Variants in DHRSX observed in about 807,000 individuals in gnomAD.
The protein encoded by DHRSX is dehydrogenase/reductase X-linked, also known as polyprenol dehydrogenase.
A neutral mutation model predicts 34.0 loss-of-function variants in DHRSX; 31 were observed. The observed-to-expected ratio is 0.91, with a 90% CI of 0.69 to 1.23. The LOEUF (loss-of-function observed/expected upper bound fraction) is 1.23, where lower values mean the gene tolerates loss of function less well. Among genes scored for constraint, DHRSX ranks in the 50% most tolerant of loss-of-function variants. The pLI is 0.00. For synonymous variants in DHRSX, 201 were observed against 183.8 expected (o/e 1.09, Z -0.76); for missense variants, 414 against 428.1 (o/e 0.97, Z 0.29).
At chrX:2,399,865 T>C (rs1193869492) in intron 3 of DHRSX, among the ~76,000 whole-genome samples, 2 of 151,450 alleles carry the variant, frequency 1.3e-5, no homozygotes, top group Non-Finnish European at 2.9e-5. Flanking sequence ...AGACCCCGTC[T>C]CTAGAAAAAA....
chrX:2,298,232 G>A (rs1428616043), intron 3 of DHRSX, among the ~76,000 whole-genome samples: 1 of 151,860 alleles, frequency 6.6e-6, no homozygotes, highest in African/African-American at 2.4e-5. Context: ...ATGGAGCTCA[G>A]CCCTGAGACA....
At chrX:2,386,882 G>GTTTTTTT (rs57827913) in intron 3 of DHRSX, among the ~76,000 whole-genome samples, 6 of 124,092 alleles carry the variant, frequency 4.8e-5, no homozygotes, top group East Asian at 2.4e-4. Flanking sequence ...TGATGGTTTT[G>GTTTTTTT]TTTTTTTTTT....
chrX:2,374,140 G>A (rs1321694849), intron 3 of DHRSX, among the ~76,000 whole-genome samples: 1 of 152,102 alleles, frequency 6.6e-6, no homozygotes, highest in African/African-American at 2.4e-5. Flanking sequence ...TCACTATGTT[G>A]CCCAGTCTGA....
intron 3 of DHRSX, among the ~76,000 whole-genome samples, chrX:2,306,308 G>A (rs2042095937): frequency 6.6e-6 from 1 of 151,880 alleles, no homozygotes. Context: ...CATCACTAGG[G>A]GAAGATGAGC....
At chrX:2,469,322 C>T (rs996689613) in intron 1 of DHRSX, among the ~76,000 whole-genome samples, 9 of 151,306 alleles carry the variant, frequency 5.9e-5, no homozygotes, top group Non-Finnish European at 5.9e-5. Flanking sequence ...GGATAAGGGA[C>T]CGCCGCCATG....
chrX:2,243,786 C>CTTTTTTTT, intron 5 of DHRSX, among the ~76,000 whole-genome samples: 1 of 25,140 alleles, frequency 4.0e-5, no homozygotes, highest in South Asian at 2.0e-3. Flanking sequence ...ACTATGCTCC[C>CTTTTTTTT]TGTTTTTTTT....
chrX:2,345,866 C>T (rs1330417207), intron 3 of DHRSX, among the ~76,000 whole-genome samples: 1 of 152,084 alleles, frequency 6.6e-6, no homozygotes, highest in East Asian at 1.9e-4. Context: ...GCTGGTCTAC[C>T]CCATACATCT....
intron 5 of DHRSX, among the ~76,000 whole-genome samples, chrX:2,254,093 G>A (rs1276677356): frequency 6.6e-6 from 1 of 151,968 alleles, no homozygotes; most frequent in East Asian, 1.9e-4. Context: ...CCCTTTATAA[G>A]TTATTGTGAT....
rs189420498 is a variant in DHRSX, at chrX:2,291,074, A to G, written c.388+428T>C. On this transcript the variant is annotated intron_variant, in intron 4 of 6. Transcript: ENST00000334651. ...GCAGATTGAAGGTGGGGAAGGGGAG[A>G]TATTGACTCCACCTATCTGGGTGAG... Among the ~76,000 whole-genome samples, 1,059 of 152,234 alleles carry G rather than the reference A, an allele frequency of 7.0e-3. 16 individuals carry two copies. Among genetic ancestry groups the G allele is most frequent in the African/African-American group, 0.024 (1,011 of 41,534 alleles).
intron 6 of DHRSX, among the ~76,000 whole-genome samples, chrX:2,228,672 A>C (rs147998575): frequency 4.5e-4 from 69 of 152,036 alleles, no homozygotes; most frequent in African/African-American, 1.6e-3. Flanking sequence ...TTTCTAAGAT[A>C]AGGCAGATAT....
At chrX:2,466,069 C>G (rs1429525122) in intron 1 of DHRSX, among the ~76,000 whole-genome samples, 1 of 152,150 alleles carries the variant, frequency 6.6e-6, no homozygotes, top group East Asian at 1.9e-4. Context: ...ACATCCATTC[C>G]TCAACAGGAC....
Position 2,222,641 on chromosome X carries a change from A to G in DHRSX, c.805-1412T>C, listed in dbSNP as rs192604934. Among the ~76,000 whole-genome samples the G allele has an allele frequency of 5.3e-5, 8 of 152,248 alleles. No individual in the cohort carries two copies. In the East Asian group the frequency reaches 1.5e-3, roughly 29 times the overall value. On this transcript the variant is annotated intron_variant, in intron 6 of 6. Transcript: ENST00000334651. ...GCCTGTAATCCCAGTGCTTTGGGAG[A>G]ACAAGGCAGGAGGACTGCTTGAGTC...
At chrX:2,285,701 C>A (rs188192648) in intron 4 of DHRSX, among the ~76,000 whole-genome samples, 1 of 152,194 alleles carries the variant, frequency 6.6e-6, no homozygotes, top group South Asian at 2.1e-4. Flanking sequence ...AGTACCACCA[C>A]TGGAGTCCTT....
intron 5 of DHRSX, among the ~76,000 whole-genome samples, chrX:2,246,449 C>A (rs900999686): frequency 6.6e-6 from 1 of 151,858 alleles, no homozygotes; most frequent in Non-Finnish European, 1.5e-5. Context: ...TGGTGAAACC[C>A]CATCTCTACT....
chrX:2,223,768 C>G (rs184979599), intron 6 of DHRSX, among the ~76,000 whole-genome samples: 127 of 152,282 alleles, frequency 8.3e-4, no homozygotes, highest in Middle Eastern at 3.4e-3. Flanking sequence ...TGCCCAATTT[C>G]CAGGCAGGAT....
intron 3 of DHRSX, among the ~76,000 whole-genome samples, chrX:2,310,260 T>C (rs1419375385): frequency 6.6e-6 from 1 of 152,146 alleles, no homozygotes; most frequent in East Asian, 1.9e-4. Flanking sequence ...TGATGGCTTC[T>C]GGCCTCTCTT....
intron 1 of DHRSX, among the ~76,000 whole-genome samples, chrX:2,485,426 C>T (rs767775037): frequency 2.0e-5 from 3 of 150,066 alleles, no homozygotes; most frequent in East Asian, 2.0e-4. Context: ...CAGAGGTGCA[C>T]ATCCCGGCCT....
At chrX:2,302,205 G>A (rs1315424843) in intron 3 of DHRSX, among the ~76,000 whole-genome samples, 1 of 152,186 alleles carries the variant, frequency 6.6e-6, no homozygotes, top group Non-Finnish European at 1.5e-5. Flanking sequence ...TGGAAGGCAT[G>A]TTTTAAGATA....
intron 1 of DHRSX, among the ~76,000 whole-genome samples, chrX:2,453,596 A>G (rs751404278): frequency 9.2e-5 from 14 of 152,228 alleles, no homozygotes; most frequent in African/African-American, 3.1e-4. Context: ...CACCTGAGCC[A>G]TGACTTGGAG....
Sources: allele counts gnomAD v4.1 joint callset (sites outside exome capture counted in the v4.1 genomes callset), GRCh38; gene constraint gnomAD v4.1.1; transcripts MANE v1.5; gene names NCBI Gene and HGNC (gene_info 2026-07-23, HGNC 2026-07-21).